PLD1: variants seen among roughly 807,000 people sequenced by gnomAD.
PLD1 encodes phospholipase D1.
A neutral mutation model predicts 137.1 loss-of-function variants in PLD1; 112 were observed. That is an observed-to-expected ratio of 0.82 (90% CI 0.70 to 0.96). The LOEUF (loss-of-function observed/expected upper bound fraction) is 0.96. Ranked by LOEUF, PLD1 falls within the 40% of genes least tolerant of loss-of-function variation. PLD1 has a pLI of 0.00. For missense variants in PLD1, 1,321 were observed against 1,342.0 expected (o/e 0.98, Z 0.24); for synonymous variants, 431 against 454.7 (o/e 0.95, Z 0.66).
rs759840625 is a variant in PLD1 at position 171,734,890 on chromosome 3, C to T, written c.515G>A (p.Arg172Lys). 1.2e-6 allele frequency: 2 copies of T among 1,610,678 alleles called. No individual in the cohort carries two copies. The highest frequency in any genetic ancestry group is 3.3e-5 in the Admixed American group (2 of 59,980). Residue 172 changes from arginine to lysine, a missense_variant, in exon 5 of 27, where the codon AGA (arginine) becomes AAA (lysine). Arg to Lys is a conservative substitution (Grantham distance 26, BLOSUM62 2). Transcript: ENST00000351298. Reference protein sequence around the residue: ...SLPRSSENMIREEQFLGRRKQ... With the variant: ...SLPRSSENMIKEEQFLGRRKQ... ...TCTTCTACCAAGGAATTGTTCTTCT[C>T]TTATCATGTTTTCAGATGAACGGGG...
At chr3:171,620,279 G>A in intron 24 of PLD1, 107 bp downstream of exon 24, 1 of 719,284 alleles carries the variant, frequency 1.4e-6, no homozygotes, top group Admixed American at 2.4e-5. Context: ...TGGTGTTACT[G>A]TCTGTTTCAA....
chr3:171,809,221 T>C (rs1355742218), intron 1 of PLD1: 2 of 152,212 alleles, frequency 1.3e-5, no homozygotes, highest in Non-Finnish European at 2.9e-5. Context: ...CCAAACAACA[T>C]TTAAAGGCTG....
At position 171,601,411 on chromosome 3, in the gene PLD1, C is replaced by G. The variant is rs1020828707; in HGVS notation, c.*1667G>C. ...AAATGCCAATCTGAACTTCTTTCATCAATAGCAAATTCTTATTTACAATGG... is the reference window on the plus strand; with the variant it reads ...AAATGCCAATCTGAACTTCTTTCATGAATAGCAAATTCTTATTTACAATGG... On this transcript the variant is annotated 3_prime_UTR_variant, in exon 27 of 27. Coordinates refer to ENST00000351298, the MANE Select transcript of PLD1 (RefSeq NM_002662.5). 7.2e-5 allele frequency: 11 copies of G among 152,098 alleles called. No homozygotes were observed. Among genetic ancestry groups the G allele is most frequent in the Non-Finnish European group, 1.5e-4 (10 of 68,026 alleles). The allele number at this position is 152,098 out of a possible 1,614,324, so 9.4% of individuals were successfully genotyped here. A position where few individuals can be genotyped will look rare whatever the true frequency, so the allele number is the denominator to read the frequency against.
intron 16 of PLD1, among the ~76,000 whole-genome samples, chr3:171,679,621 T>C (rs775280965): frequency 6.6e-6 from 1 of 152,204 alleles, no homozygotes; most frequent in Non-Finnish European, 1.5e-5. Context: ...ATACACTCAT[T>C]TAAAAATTAT....
At chr3:171,676,608 T>C (rs1027177949) in intron 18 of PLD1, 107 bp downstream of exon 18, 1 of 843,134 alleles carries the variant, frequency 1.2e-6, no homozygotes, top group Admixed American at 1.9e-5. Context: ...AGTGACACAG[T>C]TGTGGCCACA....
At chr3:171,715,878 T>C (rs374869187) in intron 8 of PLD1, among the ~76,000 whole-genome samples, 3 of 152,136 alleles carry the variant, frequency 2.0e-5, no homozygotes, top group South Asian at 4.2e-4. Flanking sequence ...GTACTAAGCA[T>C]AGTACCTGAC....
At chr3:171,679,988 G>A (rs1384629398) in intron 16 of PLD1, among the ~76,000 whole-genome samples, 2 of 152,036 alleles carry the variant, frequency 1.3e-5, no homozygotes, top group Non-Finnish European at 1.5e-5. Context: ...AGATTTGTCA[G>A]GCCAATTTTC....
Position 171,603,299 on chromosome 3 carries a change from A to G in PLD1, c.3004T>C (p.Phe1002Leu). The G allele has an allele frequency of 6.2e-7, 1 of 1,611,342 alleles. No homozygotes were observed. Among genetic ancestry groups the G allele is most frequent in the Non-Finnish European group, 8.5e-7 (1 of 1,177,586 alleles). Residue 1002 changes from phenylalanine (F) to leucine (L), a missense_variant, in exon 27 of 27, where the codon TTC (phenylalanine) becomes CTC (leucine). Physicochemically the swap from Phe to Leu is conservative, Grantham distance 22. Transcript: ENST00000351298. ...ACTTCATCATTGGGAAGGCACCGGA[A>G]AACCTGATTAGAGCATAAATAGAAA... ...ARNATIYDKV[F>L]RCLPNDEVHN... is the part of the protein sequence containing the mutation.
chr3:171,713,300 A>T (rs1311787542), intron 9 of PLD1, among the ~76,000 whole-genome samples: 1 of 152,154 alleles, frequency 6.6e-6, no homozygotes, highest in Non-Finnish European at 1.5e-5. Context: ...TCTCTATCAA[A>T]AAATACAAAC....
chr3:171,656,156 T>TTTTTTTTTTTTTTTTATTTATTTATTTA (rs1553810398), intron 21 of PLD1, among the ~76,000 whole-genome samples: 7 of 145,358 alleles, frequency 4.8e-5, no homozygotes, highest in Non-Finnish European at 1.0e-4. Context: ...AATACTATAA[T>TTTTTTTTTTTTTTTTATTTATTTATTTA]TTTATTTATT....
At chr3:171,639,303 A>ATCATATATTATCTATATATAAATATTT (rs1264579004) in intron 23 of PLD1, among the ~76,000 whole-genome samples, 1 of 138,522 alleles carries the variant, frequency 7.2e-6, no homozygotes, top group Non-Finnish European at 1.5e-5. Flanking sequence ...ATATAAATAT[A>ATCATATATTATCTATATATAAATATTT]TCATATATTA....
chr3:171,731,820 T>C (rs1465583499), intron 6 of PLD1, among the ~76,000 whole-genome samples: 1 of 151,976 alleles, frequency 6.6e-6, no homozygotes, highest in Non-Finnish European at 1.5e-5. Flanking sequence ...TCACAGTCAG[T>C]TGCTAATGAG....
At chr3:171,726,305 A>T (rs1437071908) in intron 6 of PLD1, among the ~76,000 whole-genome samples, 7 of 152,178 alleles carry the variant, frequency 4.6e-5, no homozygotes, top group Admixed American at 1.3e-4. Context: ...TGTGTGCCTT[A>T]ATACATAGAG....
chr3:171,650,814 C>T (rs899862529), intron 21 of PLD1, among the ~76,000 whole-genome samples: 2 of 151,938 alleles, frequency 1.3e-5, no homozygotes, highest in South Asian at 2.1e-4. Context: ...AGGAGAATGG[C>T]GTGAACCCGG....
At chr3:171,739,374 C>T (rs368405817) in intron 1 of PLD1, among the ~76,000 whole-genome samples, 12 of 152,146 alleles carry the variant, frequency 7.9e-5, no homozygotes, top group East Asian at 3.9e-4. Flanking sequence ...AAAATGGGAG[C>T]GAAGGAGGGA....
intron 24 of PLD1, among the ~76,000 whole-genome samples, chr3:171,617,675 T>C (rs1008112557): frequency 6.6e-6 from 1 of 152,112 alleles, no homozygotes; most frequent in Non-Finnish European, 1.5e-5. Context: ...CTGGATTTGG[T>C]CACAGATTTC....
At chr3:171,792,716 C>G in intron 1 of PLD1, 1 of 456,698 alleles carries the variant, frequency 2.2e-6, no homozygotes, top group Non-Finnish European at 4.4e-6. Flanking sequence ...GAGTCAAGGA[C>G]ATTTCTGCAG....
At chr3:171,637,662 C>G (rs1486999983) in intron 23 of PLD1, among the ~76,000 whole-genome samples, 1 of 152,028 alleles carries the variant, frequency 6.6e-6, no homozygotes, top group Non-Finnish European at 1.5e-5. Context: ...GTGATTTTGT[C>G]ATTGTTTGAA....
intron 17 of PLD1, 66 bp from the exon 18 acceptor site, chr3:171,676,899 C>G: frequency 9.2e-7 from 1 of 1,087,320 alleles, no homozygotes; most frequent in Non-Finnish European, 1.4e-6. Flanking sequence ...CTCTCTGACT[C>G]CAACTATGAA....
Sources: allele counts gnomAD v4.1 joint callset (sites outside exome capture counted in the v4.1 genomes callset), GRCh38; gene constraint gnomAD v4.1.1; transcripts MANE v1.5; gene names NCBI Gene and HGNC (gene_info 2026-07-23, HGNC 2026-07-21).